The following SFMBT2 variants were observed in gnomAD, a reference collection of about 807,000 sequenced individuals.
SFMBT2 encodes the protein Scm like with four mbt domains 2.
In SFMBT2, 38 loss-of-function variants were observed where a neutral mutation model predicts 110.1. The ratio of observed to expected loss-of-function variants is 0.35; its 90% CI spans 0.27 to 0.45. SFMBT2 has a LOEUF of 0.45. Among genes scored for constraint, SFMBT2 ranks in the 20% least tolerant of loss-of-function variants. SFMBT2 has a pLI of 1.00. For synonymous variants in SFMBT2, 425 were observed against 425.4 expected (o/e 1.00, Z 0.01); for missense variants, 1,011 against 1,094.9 (o/e 0.92, Z 1.08).
chr10:7,179,047 C>T (rs761144481), intron 16 of SFMBT2, among the ~76,000 whole-genome samples: 7 of 151,014 alleles, frequency 4.6e-5, no homozygotes, highest in South Asian at 2.1e-4. Flanking sequence ...AAAGTATCAA[C>T]GGCAAAAAAA....
Position 7,171,129 on chromosome 10 carries a change from G to A in SFMBT2, c.2416-73C>T. On this transcript the variant is annotated intron_variant, in intron 19 of 20. Coordinates refer to ENST00000397167, the MANE Select transcript of SFMBT2 (RefSeq NM_001387889.1). The surrounding 1 kb of genome is among the most constrained non-coding windows in gnomAD (Gnocchi z 4.9). ...CTGGGTCCTCTCCAGCACTCTCCAG[G>A]CCTCGGCCGTTCCTGGCCGGAAGCC... is the stretch of plus-strand genomic sequence containing the variant. The A allele has an allele frequency of 6.2e-7, 1 of 1,603,300 alleles. No individual in the cohort carries two copies. The highest frequency in any genetic ancestry group is 2.2e-5 in the East Asian group (1 of 44,648).
rs1337751742 is a variant in SFMBT2, at chr10:7,202,460, G to A, written c.1487+20C>T. ...GTTTATCGGTATACAGTGTAGTCTG[G>A]AGGGGAAAAAAGCACGTACTGTTTC... On this transcript the variant is annotated intron_variant, in intron 13 of 20. Coordinates refer to ENST00000397167, the MANE Select transcript of SFMBT2 (RefSeq NM_001387889.1). 6 of 1,613,966 alleles carry A rather than the reference G, an allele frequency of 3.7e-6. No individual in the cohort carries two copies. The African/African-American group carries it at 8.0e-5, about 22-fold the overall frequency.
chr10:7,228,187 C>T (rs960470568), intron 9 of SFMBT2, among the ~76,000 whole-genome samples: 7 of 152,144 alleles, frequency 4.6e-5, no homozygotes, highest in African/African-American at 1.7e-4. Context: ...CCCATGGCGG[C>T]ACCAGCCGGT....
In SFMBT2 at chr10:7,163,673, T is replaced by C; in HGVS notation, c.*97A>G. Reference sequence around the variant, plus strand: ...GTTTTCTGGTGATACTTAGTGGCTGTACCATTTAACATATCCCGGAAAATC... The same window carrying C: ...GTTTTCTGGTGATACTTAGTGGCTGCACCATTTAACATATCCCGGAAAATC... On this transcript the variant is annotated 3_prime_UTR_variant, in exon 21 of 21. Coordinates refer to ENST00000397167, the MANE Select transcript of SFMBT2 (RefSeq NM_001387889.1). This position sits in a 1 kb window ranked among gnomAD's most constrained non-coding sequence, Gnocchi z 4.8. 1 of 1,112,450 alleles carries C rather than the reference T, an allele frequency of 9.0e-7. No individual in the cohort carries two copies. Among genetic ancestry groups the C allele is most frequent in the Non-Finnish European group, 1.3e-6 (1 of 759,418 alleles). The allele number at this position is 1,112,450 out of a possible 1,614,324, so 68.9% of individuals were successfully genotyped here. A position where few individuals can be genotyped will look rare whatever the true frequency, so the allele number is the denominator to read the frequency against.
chr10:7,226,966 A>C (rs1322829663), intron 10 of SFMBT2, among the ~76,000 whole-genome samples: 5 of 152,216 alleles, frequency 3.3e-5, no homozygotes, highest in Admixed American at 3.3e-4. Context: ...TGCATTTCTC[A>C]GAACATAACC....
intron 2 of SFMBT2, chr10:7,370,791 A>T (rs987120944): frequency 8.2e-6 from 8 of 973,898 alleles, no homozygotes; most frequent in Non-Finnish European, 9.8e-6. Flanking sequence ...GTATACAGAG[A>T]ACAGCACTAA....
At chr10:7,202,808 G>A in intron 12 of SFMBT2, 1 of 985,306 alleles carries the variant, frequency 1.0e-6, no homozygotes, top group Non-Finnish European at 1.2e-6. Flanking sequence ...GAGTACACCT[G>A]TTGTACCTCA....
At chr10:7,242,557 A>G (rs1173151451) in intron 9 of SFMBT2, among the ~76,000 whole-genome samples, 1 of 152,236 alleles carries the variant, frequency 6.6e-6, no homozygotes, top group African/African-American at 2.4e-5. Context: ...GCGGAACTCC[A>G]TGACTGCACA....
intron 4 of SFMBT2, among the ~76,000 whole-genome samples, chr10:7,364,852 A>G (rs925573398): frequency 6.6e-6 from 1 of 152,248 alleles, no homozygotes; most frequent in Non-Finnish European, 1.5e-5. Context: ...ACCTGCGTGC[A>G]GAGTTGGGGA....
chr10:7,242,973 T>C (rs940380072), intron 9 of SFMBT2, among the ~76,000 whole-genome samples: 5 of 152,220 alleles, frequency 3.3e-5, no homozygotes, highest in Non-Finnish European at 5.9e-5. Context: ...GCTTTCTTCC[T>C]GAATAAACCT....
At chr10:7,323,470 C>CAAAAAAAAAAAAAAA (rs34153060) in intron 4 of SFMBT2, among the ~76,000 whole-genome samples, 1 of 120,576 alleles carries the variant, frequency 8.3e-6, no homozygotes, top group African/African-American at 3.1e-5. Flanking sequence ...AAAAAAAAAC[C>CAAAAAAAAAAAAAAA]AAAAAAAAAA....
intron 4 of SFMBT2, among the ~76,000 whole-genome samples, chr10:7,363,943 G>C (rs186808954): frequency 6.6e-6 from 1 of 151,908 alleles, no homozygotes; most frequent in Non-Finnish European, 1.5e-5. Context: ...CATATTCTGC[G>C]GTGCCTTTCA....
chr10:7,208,686 CAA>C (rs5782957), intron 11 of SFMBT2, among the ~76,000 whole-genome samples: 47 of 140,206 alleles, frequency 3.4e-4, no homozygotes, highest in Middle Eastern at 3.6e-3. Flanking sequence ...AATTCCATCT[CAA>C]AAAAAAAAAA....
At position 7,276,877 on chromosome 10, in the gene SFMBT2, G is replaced by T; in HGVS notation, c.870+15C>A. On this transcript the variant is annotated intron_variant, in intron 7 of 20. Coordinates refer to ENST00000397167, the MANE Select transcript of SFMBT2 (RefSeq NM_001387889.1). ...TCAAAAAGGGTAGATACATTGCTAAGAATCAACATCTTACCTTAAACACTT... is the reference window on the plus strand; with the variant it reads ...TCAAAAAGGGTAGATACATTGCTAATAATCAACATCTTACCTTAAACACTT... 1 of 863,698 alleles carries T rather than the reference G, an allele frequency of 1.2e-6. No individual in the cohort carries two copies. The highest frequency in any genetic ancestry group is 1.3e-5 in the South Asian group (1 of 76,334). 53.5% of individuals were successfully genotyped at this position (863,698 alleles called of 1,614,324 possible).
At chr10:7,284,184 A>G (rs756188715) in intron 5 of SFMBT2, 34 bp from the exon 6 acceptor site, 64 of 1,593,272 alleles carry the variant, frequency 4.0e-5, no homozygotes, top group Non-Finnish European at 5.1e-5. Flanking sequence ...CTTATTTTAA[A>G]CTTTATTTTA....
At chr10:7,246,803 A>C (rs1840629379) in intron 8 of SFMBT2, among the ~76,000 whole-genome samples, 1 of 151,376 alleles carries the variant, frequency 6.6e-6, no homozygotes, top group Non-Finnish European at 1.5e-5. Context: ...TTTAATTGAT[A>C]AATACCAGGT....
intron 4 of SFMBT2, among the ~76,000 whole-genome samples, chr10:7,310,237 C>T (rs1454499202): frequency 2.0e-5 from 3 of 152,168 alleles, no homozygotes; most frequent in Non-Finnish European, 4.4e-5. Context: ...AAGACCTCTC[C>T]GACAAGGACA....
intron 10 of SFMBT2, among the ~76,000 whole-genome samples, chr10:7,223,803 G>A (rs1263898591): frequency 6.6e-6 from 1 of 152,064 alleles, no homozygotes; most frequent in Non-Finnish European, 1.5e-5. Flanking sequence ...ATAAACTTCT[G>A]GGCTTCTCCC....
intron 1 of SFMBT2, among the ~76,000 whole-genome samples, chr10:7,403,826 A>G (rs1271343823): frequency 6.6e-6 from 1 of 152,214 alleles, no homozygotes; most frequent in Non-Finnish European, 1.5e-5. Flanking sequence ...TTTCCTCTGT[A>G]AAAGGAGGAT....
Sources: gnomAD v4.1 joint callset for allele counts (sites outside exome capture counted in the v4.1 genomes callset) on GRCh38, gnomAD v4.1.1 for gene constraint, Gnocchi (gnomAD v3.1) non-coding constraint, MANE v1.5 for transcripts, NCBI Gene and HGNC (gene_info 2026-07-23, HGNC 2026-07-21) for gene names.